Variants in GREB1 observed in about 807,000 individuals in gnomAD.
GREB1 encodes protein GREB1.
Under a neutral mutation model 200.7 loss-of-function variants are expected in GREB1, and 106 were observed. That is an observed-to-expected ratio of 0.53 (90% CI 0.45 to 0.62). The LOEUF (loss-of-function observed/expected upper bound fraction) is 0.62. Ranked by LOEUF, GREB1 falls within the 20% of genes least tolerant of loss-of-function variation. GREB1 has a pLI of 0.00. For synonymous variants in GREB1, 1,132 were observed against 1,092.4 expected, an observed-to-expected ratio of 1.04 and a Z score of -0.72; for missense variants, 2,243 against 2,556.8, an observed-to-expected ratio of 0.88 and a Z score of 2.65.
At chr2:11,583,241 C>A (rs761564496) in intron 7 of GREB1, among the ~76,000 whole-genome samples, 1 of 152,156 alleles carries the variant, frequency 6.6e-6, no homozygotes. Context: ...AATTCCAAGC[C>A]CTGTCCCCTT....
At chr2:11,534,034 G>A (rs1257348082), upstream of GREB1, 7 of 152,170 alleles carry the variant, frequency 4.6e-5, no homozygotes, top group East Asian at 1.9e-4. Context: ...GGGCAGCACC[G>A]TTTTACACAT....
intron 1 of GREB1, among the ~76,000 whole-genome samples, chr2:11,488,873 T>TA (rs148433563): frequency 0.53 from 55,697 of 105,524 alleles, 11,698 homozygotes; most frequent in Middle Eastern, 0.63. Flanking sequence ...CAGTTTTCAT[T>TA]AAAAAAAAAA....
At chr2:11,585,038 G>A (rs1318258087) in intron 7 of GREB1, 123 bp from the exon 8 acceptor site, 24 of 516,358 alleles carry the variant, frequency 4.6e-5, no homozygotes, top group East Asian at 3.4e-4. Flanking sequence ...TAAAACCCAC[G>A]TGAATCTGTG....
At chr2:11,490,879 C>T (rs1331289866) in intron 1 of GREB1, among the ~76,000 whole-genome samples, 2 of 152,154 alleles carry the variant, frequency 1.3e-5, no homozygotes, top group Admixed American at 1.3e-4. Context: ...CTCTTGGGTA[C>T]GTACTTTAGG....
intron 23 of GREB1, among the ~76,000 whole-genome samples, chr2:11,622,823 T>A (rs1684116334): frequency 6.6e-6 from 1 of 152,174 alleles, no homozygotes; most frequent in South Asian, 2.1e-4. Flanking sequence ...GTCCTCTGGG[T>A]CAGGACTCTG....
chr2:11,486,604 A>G (rs1572539045), intron 1 of GREB1, among the ~76,000 whole-genome samples: 1 of 152,054 alleles, frequency 6.6e-6, no homozygotes, highest in East Asian at 1.9e-4. Flanking sequence ...TATAGTCCCA[A>G]CGCCTATAAT....
intron 4 of GREB1, 93 bp downstream of exon 4, chr2:11,566,749 G>A (rs1047673759): frequency 1.7e-6 from 2 of 1,181,466 alleles, no homozygotes; most frequent in African/African-American, 3.1e-5. Flanking sequence ...GCAACAGAGG[G>A]ACCATCTTTG....
At position 11,641,895 on chromosome 2, in the gene GREB1, A is replaced by G. The variant is rs900906982; in HGVS notation, c.*1441A>G. On this transcript the variant is annotated 3_prime_UTR_variant, in exon 33 of 33. Transcript: ENST00000381486. ...CTTTCTTGTGTGATTGGAATTATTC[A>G]TCCCCTTTGAAAGATGAGAAGGTTG... 2 of 152,104 alleles carry G rather than the reference A, an allele frequency of 1.3e-5. No individual in the cohort carries two copies. The highest frequency in any genetic ancestry group is 1.3e-4 in the Admixed American group (2 of 15,270). 9.4% of individuals were successfully genotyped at this position (152,104 alleles called of 1,614,324 possible). A position where few individuals can be genotyped will look rare whatever the true frequency, so the allele number is the denominator to read the frequency against.
rs117243071 is a variant in GREB1, at chr2:11,624,677, T to A, written c.4148-477T>A. Among the ~76,000 whole-genome samples the A allele has an allele frequency of 5.9e-5, 9 of 152,308 alleles. No homozygotes were observed. The East Asian group carries it at 1.7e-3, about 29-fold the overall frequency. On this transcript the variant is annotated intron_variant, in intron 23 of 32. Coordinates refer to ENST00000381486, the MANE Select transcript of GREB1 (RefSeq NM_014668.4). Reference sequence around the variant, plus strand: ...ACAAATGTTTCACATTGTGTTACAATTACCTGCAGTATTTAGTGCAATAAC... The same window carrying A: ...ACAAATGTTTCACATTGTGTTACAAATACCTGCAGTATTTAGTGCAATAAC...
chr2:11,493,921 G>A lies in GREB1; in HGVS notation c.-159+11540G>A, dbSNP rs1259566260. On this transcript the variant is annotated intron_variant, in intron 1 of 2. Coordinates refer to the GREB1 transcript ENST00000628795. This position sits in a 1 kb window ranked among gnomAD's most constrained non-coding sequence, Gnocchi z 4.6. The stretch of plus-strand genomic sequence containing the variant: ...TTTAGAGAGGGTAGAATTTGAGCTG[G>A]TGTGTTTGGGGGCTTAGGAGAAATG... Among the ~76,000 whole-genome samples the A allele has an allele frequency of 6.6e-6, 1 of 152,196 alleles. No individual in the cohort carries two copies. Among genetic ancestry groups the A allele is most frequent in the Non-Finnish European group, 1.5e-5 (1 of 68,044 alleles).
At chr2:11,577,623 G>A (rs1679009302) in intron 5 of GREB1, among the ~76,000 whole-genome samples, 1 of 152,202 alleles carries the variant, frequency 6.6e-6, no homozygotes, top group Admixed American at 6.5e-5. Flanking sequence ...GGTGTGAGGT[G>A]TCCCTCCCTT....
rs1380112421 is a variant in GREB1 at position 11,585,765 on chromosome 2, G to A, written c.1019G>A (p.Ser340Asn). Residue 340 changes from serine (S) to asparagine (N), a missense_variant, in exon 9 of 33, where the codon AGC becomes AAC. Physicochemically the swap from Ser to Asn is conservative, Grantham distance 46. Transcript: ENST00000381486. ...QGGGNRAKYESAGMSCVPQVG... is the reference protein window; with the variant it reads ...QGGGNRAKYENAGMSCVPQVG... ...TAATATTCTTGGGTGTTCCTAGAGA[G>A]CGCAGGCATGTCCTGCGTGCCGCAG... The A allele has an allele frequency of 8.7e-6, 14 of 1,612,934 alleles. No homozygotes were observed. The highest frequency in any genetic ancestry group is 4.4e-5 in the South Asian group (4 of 91,032).
chr2:11,629,810 A>G lies in GREB1; in HGVS notation c.4450-138A>G. 1.3e-6 allele frequency: 1 copy of G among 796,798 alleles called. No individual in the cohort carries two copies. 49.4% of individuals were successfully genotyped at this position (796,798 alleles called of 1,614,324 possible). ...CCTGGGTGTCTGCACTTTGCACTGGAGTCACCCCGTGGGTTTCTTGTGCTG... is the reference window on the plus strand; with the variant it reads ...CCTGGGTGTCTGCACTTTGCACTGGGGTCACCCCGTGGGTTTCTTGTGCTG... On this transcript the variant is annotated intron_variant, in intron 25 of 32. Coordinates refer to ENST00000381486, the MANE Select transcript of GREB1 (RefSeq NM_014668.4). The surrounding 1 kb of genome is among the most constrained non-coding windows in gnomAD (Gnocchi z 5.2).
chr2:11,539,063 C>CCT (rs1674537806), intron 1 of GREB1, among the ~76,000 whole-genome samples: 1 of 119,078 alleles, frequency 8.4e-6, no homozygotes, highest in African/African-American at 2.9e-5. Context: ...CTTCTCTTCT[C>CCT]TTCTCTTATG....
At chr2:11,519,525 G>A (rs1341829026) in intron 1 of GREB1, among the ~76,000 whole-genome samples, 2 of 132,340 alleles carry the variant, frequency 1.5e-5, no homozygotes, top group African/African-American at 2.9e-5. Context: ...GCACGATCTC[G>A]GCTCACTGCA....
Position 11,632,840 on chromosome 2 carries a change from G to C in GREB1, c.4817-49G>C, listed in dbSNP as rs553279717. On this transcript the variant is annotated intron_variant, in intron 27 of 32. Coordinates refer to ENST00000381486, the MANE Select transcript of GREB1 (RefSeq NM_014668.4). ...GGTCTGCCTGGGGTCTGTCTGCTGT[G>C]GGTGTGGGTGCAGGTCAGTCCTGAG... The C allele has an allele frequency of 2.6e-6, 4 of 1,551,370 alleles. No homozygotes were observed. The African/African-American group carries it at 5.4e-5, about 21-fold the overall frequency.
intron 24 of GREB1, among the ~76,000 whole-genome samples, chr2:11,625,993 A>G (rs1684420785): frequency 6.6e-6 from 1 of 152,058 alleles, no homozygotes; most frequent in Non-Finnish European, 1.5e-5. Context: ...TTAGAAAACC[A>G]TTGCATCTCG....
At chr2:11,561,210 T>G (rs765920853) in intron 2 of GREB1, 17 of 152,184 alleles carry the variant, frequency 1.1e-4, no homozygotes, top group Non-Finnish European at 2.5e-4. Flanking sequence ...TCTCGGCCTT[T>G]TGGCTAAGAC....
intron 1 of GREB1, among the ~76,000 whole-genome samples, chr2:11,552,082 A>G (rs1312834457): frequency 6.6e-6 from 1 of 152,276 alleles, no homozygotes; most frequent in East Asian, 1.9e-4. Flanking sequence ...ACCAAGGCCC[A>G]GTGATTAAAT....
Sources: gnomAD v4.1 joint callset for allele counts (sites outside exome capture counted in the v4.1 genomes callset) on GRCh38, gnomAD v4.1.1 for gene constraint, Gnocchi (gnomAD v3.1) non-coding constraint, MANE v1.5 for transcripts, NCBI Gene and HGNC (gene_info 2026-07-23, HGNC 2026-07-21) for gene names.